Variants in RALGPS2 observed in about 807,000 individuals in gnomAD.
RALGPS2 encodes ras-specific guanine nucleotide-releasing factor RalGPS2.
A neutral mutation model predicts 86.8 loss-of-function variants in RALGPS2; 43 were observed. That is an observed-to-expected ratio of 0.50 (90% CI 0.39 to 0.64). The LOEUF (loss-of-function observed/expected upper bound fraction) is 0.64, where lower values mean the gene tolerates loss of function less well. Among genes scored for constraint, RALGPS2 ranks in the 30% least tolerant of loss-of-function variants. RALGPS2 has a pLI of 0.00. For missense variants in RALGPS2, 536 were observed against 694.6 expected, an observed-to-expected ratio of 0.77 and a Z score of 2.57; for synonymous variants, 243 against 231.3, an observed-to-expected ratio of 1.05 and a Z score of -0.46.
At chr1:178,746,164 T>A (rs1302274298) in intron 1 of RALGPS2, among the ~76,000 whole-genome samples, 1 of 152,150 alleles carries the variant, frequency 6.6e-6, no homozygotes, top group Non-Finnish European at 1.5e-5. Flanking sequence ...GGCTGCAGGA[T>A]GGCAGAAAAT....
chr1:178,816,523 C>A (rs1459920678), intron 6 of RALGPS2, among the ~76,000 whole-genome samples: 1 of 151,708 alleles, frequency 6.6e-6, no homozygotes. Flanking sequence ...CTATGCCTTG[C>A]GTTTTTATTT....
intron 8 of RALGPS2, among the ~76,000 whole-genome samples, chr1:178,848,932 G>A (rs1335252144): frequency 6.6e-6 from 1 of 152,112 alleles, no homozygotes; most frequent in Admixed American, 6.5e-5. Context: ...GCCTGGCCCG[G>A]ATATTGTTTT....
intron 5 of RALGPS2, among the ~76,000 whole-genome samples, chr1:178,810,313 GGAGGCA>G (rs1450677673): frequency 1.3e-5 from 2 of 152,100 alleles, no homozygotes; most frequent in Non-Finnish European, 2.9e-5. Flanking sequence ...CTTGAGCCTG[GGAGGCA>G]GAGGTTGCAG....
intron 4 of RALGPS2, among the ~76,000 whole-genome samples, chr1:178,797,906 A>G (rs573288321): frequency 1.3e-5 from 2 of 150,874 alleles, no homozygotes; most frequent in South Asian, 4.2e-4. Context: ...ATCTTGTTGA[A>G]CTGTGAGAAT....
At chr1:178,865,156 T>C (rs1052762763) in intron 8 of RALGPS2, 11 of 1,604,976 alleles carry the variant, frequency 6.9e-6, no homozygotes, top group Admixed American at 3.3e-5. Flanking sequence ...CATGGGTGTC[T>C]TGTCGGGAAA....
At chr1:178,823,242 T>C (rs1655592522) in intron 7 of RALGPS2, among the ~76,000 whole-genome samples, 1 of 152,260 alleles carries the variant, frequency 6.6e-6, no homozygotes, top group Non-Finnish European at 1.5e-5. Context: ...ATAATAATTT[T>C]TATTTGGTAA....
chr1:178,789,678 A>G (rs1472774294), intron 4 of RALGPS2, among the ~76,000 whole-genome samples: 1 of 152,198 alleles, frequency 6.6e-6, no homozygotes, highest in Non-Finnish European at 1.5e-5. Context: ...AGGAGATGTC[A>G]GTGTAGAGGT....
chr1:178,819,819 C>A (rs944263132), intron 6 of RALGPS2, among the ~76,000 whole-genome samples: 2 of 152,198 alleles, frequency 1.3e-5, no homozygotes, highest in East Asian at 3.8e-4. Flanking sequence ...ACTCCACTGA[C>A]ACTAATGTAT....
At chr1:178,836,221 C>G (rs148992234) in intron 8 of RALGPS2, among the ~76,000 whole-genome samples, 2 of 152,326 alleles carry the variant, frequency 1.3e-5, no homozygotes, top group African/African-American at 4.8e-5. Context: ...GAATATACCT[C>G]TTCTGTCTCA....
chr1:178,879,208 C>A, intron 10 of RALGPS2: 1 of 509,966 alleles, frequency 2.0e-6, no homozygotes, highest in Non-Finnish European at 3.0e-6. Context: ...AATATTTTAT[C>A]TCTGTTTGTA....
At chr1:178,738,785 G>A (rs901419551) in intron 1 of RALGPS2, among the ~76,000 whole-genome samples, 1 of 152,118 alleles carries the variant, frequency 6.6e-6, no homozygotes, top group African/African-American at 2.4e-5. Context: ...TAGGATCATT[G>A]TAAGGATTTC....
chr1:178,781,712 T>G (rs1223150554), intron 2 of RALGPS2, among the ~76,000 whole-genome samples: 1 of 152,254 alleles, frequency 6.6e-6, no homozygotes, highest in Non-Finnish European at 1.5e-5. Context: ...CTGATTTATG[T>G]TTATGATTCA....
intron 1 of RALGPS2, among the ~76,000 whole-genome samples, chr1:178,738,504 C>T (rs115002028): frequency 7.2e-5 from 11 of 152,162 alleles, no homozygotes; most frequent in Non-Finnish European, 1.2e-4. Context: ...CCACTGCCGT[C>T]GGCTAATAGT....
intron 8 of RALGPS2, among the ~76,000 whole-genome samples, chr1:178,866,748 C>G (rs746219252): frequency 6.6e-6 from 1 of 152,116 alleles, no homozygotes; most frequent in Non-Finnish European, 1.5e-5. Context: ...AGGTCTAGAT[C>G]GGATTCTCTG....
chr1:178,784,335 C>T, intron 2 of RALGPS2, 83 bp from the exon 3 acceptor site: 1 of 1,031,356 alleles, frequency 9.7e-7, no homozygotes. Flanking sequence ...GTTTTGTTTT[C>T]TCAGTTTTTA....
At chr1:178,814,157 G>A (rs1385313184) in intron 6 of RALGPS2, among the ~76,000 whole-genome samples, 1 of 152,050 alleles carries the variant, frequency 6.6e-6, no homozygotes, top group Non-Finnish European at 1.5e-5. Flanking sequence ...GCAAATATAT[G>A]CTTTTGGATT....
intron 8 of RALGPS2, among the ~76,000 whole-genome samples, chr1:178,836,844 G>A (rs982342390): frequency 6.6e-6 from 1 of 152,030 alleles, no homozygotes; most frequent in African/African-American, 2.4e-5. Flanking sequence ...GCAGTGGCAT[G>A]ATCAGCTCAC....
intron 14 of RALGPS2, among the ~76,000 whole-genome samples, chr1:178,889,978 A>G (rs1200115430): frequency 6.6e-6 from 1 of 151,990 alleles, no homozygotes; most frequent in African/African-American, 2.4e-5. Flanking sequence ...TCGACAAGTA[A>G]CCTACTTACA....
At chr1:178,747,195 C>G (rs1651386478) in intron 1 of RALGPS2, 1 of 1,200,804 alleles carries the variant, frequency 8.3e-7, no homozygotes, top group East Asian at 2.3e-5. Context: ...CCAGTGCCTG[C>G]ACTACGGTGG....
Sources: gnomAD v4.1 joint callset for allele counts (sites outside exome capture counted in the v4.1 genomes callset) on GRCh38, gnomAD v4.1.1 for gene constraint, MANE v1.5 for transcripts, NCBI Gene and HGNC (gene_info 2026-07-23, HGNC 2026-07-21) for gene names.